PDGFRB: variants seen among roughly 807,000 people sequenced by gnomAD.
PDGFRB encodes platelet-derived growth factor receptor beta.
A neutral mutation model predicts 120.2 loss-of-function variants in PDGFRB; 42 were observed. The observed-to-expected ratio is 0.35, with a 90% CI of 0.27 to 0.45. The LOEUF (loss-of-function observed/expected upper bound fraction) is 0.45, where lower values mean the gene tolerates loss of function less well. Among genes scored for constraint, PDGFRB ranks in the 20% least tolerant of loss-of-function variants. The pLI is 1.00. For synonymous variants in PDGFRB, 586 were observed against 606.8 expected, an observed-to-expected ratio of 0.97 and a Z score of 0.50; for missense variants, 1,149 against 1,476.3, an observed-to-expected ratio of 0.78 and a Z score of 3.63.
chr5:150,122,753 C>T (rs1404047742), intron 15 of PDGFRB, among the ~76,000 whole-genome samples: 1 of 152,240 alleles, frequency 6.6e-6, no homozygotes, highest in Non-Finnish European at 1.5e-5. Flanking sequence ...CTCATCTCAC[C>T]ACAGCCTCTG....
At chr5:150,130,464 C>T (rs1220921419) in intron 9 of PDGFRB, 75 bp downstream of exon 9, 25 of 1,417,278 alleles carry the variant, frequency 1.8e-5, no homozygotes, top group Non-Finnish European at 2.3e-5. Flanking sequence ...GAAGAACGGG[C>T]GGGACTAGAT....
intron 21 of PDGFRB, 38 bp from the exon 22 acceptor site, chr5:150,117,888 G>C (rs1203926724): frequency 8.1e-7 from 1 of 1,237,820 alleles, no homozygotes; most frequent in Non-Finnish European, 1.2e-6. Flanking sequence ...AAACAGGGAT[G>C]GTCAGGCCAG....
At chr5:150,141,750 G>A (rs1760790000) in intron 1 of PDGFRB, among the ~76,000 whole-genome samples, 2 of 148,574 alleles carry the variant, frequency 1.3e-5, no homozygotes, top group South Asian at 2.2e-4. Flanking sequence ...GGAGGCAGAA[G>A]TGTATGTGTG....
At position 150,132,177 on chromosome 5, in the gene PDGFRB, C is replaced by G; in HGVS notation, c.1128-83G>C. 1 of 745,734 alleles carries G rather than the reference C, an allele frequency of 1.3e-6. No homozygotes were observed. Among genetic ancestry groups the G allele is most frequent in the Non-Finnish European group, 2.3e-6 (1 of 428,954 alleles). The allele number at this position is 745,734 out of a possible 1,614,324, so 46.2% of individuals were successfully genotyped here. ...CCTCCTGGTATAAAGAGGAACAAGG[C>G]CCAGGGAGGGGAAGGGCTTGCCAAG... On this transcript the variant is annotated intron_variant, in intron 7 of 22. Transcript: ENST00000261799. This position sits in a 1 kb window ranked among gnomAD's most constrained non-coding sequence, Gnocchi z 5.0.
intron 1 of PDGFRB, among the ~76,000 whole-genome samples, chr5:150,138,022 C>T (rs897815746): frequency 7.2e-5 from 11 of 152,276 alleles, no homozygotes; most frequent in African/African-American, 2.6e-4. Flanking sequence ...AAGACAGAGA[C>T]AGAAGCAAGG....
chr5:150,133,563 TG>T, intron 6 of PDGFRB, 22 bp downstream of exon 6: 1 of 1,605,550 alleles, frequency 6.2e-7, no homozygotes, highest in Non-Finnish European at 8.5e-7. Context: ...AATTGGGGAT[TG>T]GGCTGAGCCC....
At chr5:150,150,305 T>C (rs1045482327) in intron 1 of PDGFRB, among the ~76,000 whole-genome samples, 9 of 152,192 alleles carry the variant, frequency 5.9e-5, no homozygotes, top group African/African-American at 2.2e-4. Context: ...TTCCCCTCTC[T>C]GGACCTTAGT....
chr5:150,133,532 G>A lies in PDGFRB; in HGVS notation c.934+54C>T, dbSNP rs1017155088. On this transcript the variant is annotated intron_variant, in intron 6 of 22. Coordinates refer to ENST00000261799, the MANE Select transcript of PDGFRB (RefSeq NM_002609.4). Reference sequence around the variant, plus strand: ...TCACTCTGCACCCAGCAAAGTGGGTGAGGGTGGGGAGCGTTGAAGGAATTG... The same window carrying A: ...TCACTCTGCACCCAGCAAAGTGGGTAAGGGTGGGGAGCGTTGAAGGAATTG... 9 of 1,451,036 alleles carry A rather than the reference G, an allele frequency of 6.2e-6. No homozygotes were observed. The African/African-American group carries it at 9.7e-5, about 16-fold the overall frequency. 89.9% of individuals were successfully genotyped at this position (1,451,036 alleles called of 1,614,324 possible).
At chr5:150,142,109 G>A (rs1206552798) in intron 1 of PDGFRB, among the ~76,000 whole-genome samples, 1 of 152,136 alleles carries the variant, frequency 6.6e-6, no homozygotes. Flanking sequence ...AGCCCTCAGG[G>A]ATCATCTATC....
In PDGFRB at chr5:150,133,073, T is replaced by G. The variant is rs56331037; in HGVS notation, c.935-131A>C. 0.017 allele frequency: 11,267 copies of G among 672,102 alleles called. 139 individuals are homozygous for G. The highest frequency in any genetic ancestry group is 0.022 in the Non-Finnish European group (8,892 of 399,104). 41.6% of individuals were successfully genotyped at this position (672,102 alleles called of 1,614,324 possible). On this transcript the variant is annotated intron_variant, in intron 6 of 22. Transcript: ENST00000261799. Reference sequence around the variant, plus strand: ...AGCCATGGAGTTTCCGGAGCTGAGGTTGAAATTGGGCTGGGGACAGGGCCT... The same window carrying G: ...AGCCATGGAGTTTCCGGAGCTGAGGGTGAAATTGGGCTGGGGACAGGGCCT...
intron 1 of PDGFRB, among the ~76,000 whole-genome samples, chr5:150,148,327 C>T (rs544599767): frequency 1.3e-5 from 2 of 152,334 alleles, no homozygotes; most frequent in African/African-American, 2.4e-5. Context: ...GCTCAGTAAA[C>T]GCTTACACGA....
chr5:150,145,196 T>C (rs535402466), intron 1 of PDGFRB, among the ~76,000 whole-genome samples: 1 of 152,390 alleles, frequency 6.6e-6, no homozygotes, highest in East Asian at 1.9e-4. Context: ...TAATATAAAC[T>C]GAATGTATTT....
chr5:150,129,280 A>T (rs1376746282), intron 10 of PDGFRB, among the ~76,000 whole-genome samples: 1 of 152,198 alleles, frequency 6.6e-6, no homozygotes, highest in East Asian at 1.9e-4. Context: ...GATGTCTGGG[A>T]ATTAGGCATG....
At chr5:150,126,460 G>A (rs1760296378) in intron 11 of PDGFRB, 60 bp downstream of exon 11, 3 of 923,724 alleles carry the variant, frequency 3.2e-6, no homozygotes, top group East Asian at 2.4e-5. Context: ...GCAGAGGGGT[G>A]GAATTTATGC....
At chr5:150,154,972 A>G (rs1276436757) in intron 1 of PDGFRB, among the ~76,000 whole-genome samples, 3 of 152,220 alleles carry the variant, frequency 2.0e-5, no homozygotes, top group South Asian at 2.1e-4. Flanking sequence ...TCTTAGAAAC[A>G]AGGCTTGGGC....
intron 1 of PDGFRB, among the ~76,000 whole-genome samples, chr5:150,142,140 G>C (rs1373690045): frequency 6.6e-6 from 1 of 152,134 alleles, no homozygotes; most frequent in Non-Finnish European, 1.5e-5. Context: ...GCCTTCCTGT[G>C]CTCCATTGTG....
chr5:150,139,625 C>T (rs546956858), intron 1 of PDGFRB, among the ~76,000 whole-genome samples: 1 of 152,296 alleles, frequency 6.6e-6, no homozygotes, highest in East Asian at 1.9e-4. Flanking sequence ...CACAGACTTG[C>T]TGTGCGGGCT....
intron 1 of PDGFRB, among the ~76,000 whole-genome samples, chr5:150,149,995 C>G (rs1471130887): frequency 6.6e-6 from 1 of 152,206 alleles, no homozygotes; most frequent in Non-Finnish European, 1.5e-5. Flanking sequence ...CTTGGCTTCT[C>G]CCCACTTTAT....
intron 21 of PDGFRB, 72 bp downstream of exon 21, chr5:150,118,675 G>C (rs993065664): frequency 5.4e-6 from 5 of 922,008 alleles, no homozygotes; most frequent in African/African-American, 4.9e-5. Context: ...CCATCACGCA[G>C]AGCCTTGTAC....
Sources: gnomAD v4.1 joint callset for allele counts (sites outside exome capture counted in the v4.1 genomes callset) on GRCh38, gnomAD v4.1.1 for gene constraint, Gnocchi (gnomAD v3.1) non-coding constraint, MANE v1.5 for transcripts, NCBI Gene and HGNC (gene_info 2026-07-23, HGNC 2026-07-21) for gene names.